MYO9A: variants seen among roughly 807,000 people sequenced by gnomAD.
MYO9A encodes unconventional myosin-IXa.
A neutral mutation model predicts 293.3 loss-of-function variants in MYO9A; 103 were observed. The ratio of observed to expected loss-of-function variants is 0.35; its 90% CI spans 0.30 to 0.41. The LOEUF (loss-of-function observed/expected upper bound fraction) is 0.41, where lower values mean the gene tolerates loss of function less well. Ranked by LOEUF, MYO9A falls within the 10% of genes least tolerant of loss-of-function variation. MYO9A has a pLI of 1.00. For synonymous variants in MYO9A, 1,001 were observed against 1,035.7 expected, an observed-to-expected ratio of 0.97 and a Z score of 0.64; for missense variants, 2,685 against 3,033.0, an observed-to-expected ratio of 0.89 and a Z score of 2.69.
intron 14 of MYO9A, among the ~76,000 whole-genome samples, chr15:71,954,009 C>T (rs1057505114): frequency 2.6e-5 from 4 of 151,846 alleles, no homozygotes; most frequent in African/African-American, 9.7e-5. Flanking sequence ...GATTCTCCTG[C>T]CTCAGCCTCC....
chr15:71,931,480 T>C (rs2058474307), intron 18 of MYO9A, among the ~76,000 whole-genome samples: 1 of 152,196 alleles, frequency 6.6e-6, no homozygotes, highest in African/African-American at 2.4e-5. Flanking sequence ...GGGGGACCCT[T>C]GTATTTAACA....
Position 72,046,422 on chromosome 15 carries a change from A to G in MYO9A, c.142T>C (p.Ser48Pro). 4 of 1,614,090 alleles carry G rather than the reference A, an allele frequency of 2.5e-6. No homozygotes were observed. Among genetic ancestry groups the G allele is most frequent in the Non-Finnish European group, 3.4e-6 (4 of 1,180,024 alleles). Reference sequence around the variant, plus strand: ...TCAAGATGAAGTTTGTTTATAAGAGACTCAATCACCTCAGCAGCTGTGGAG... The same window carrying G: ...TCAAGATGAAGTTTGTTTATAAGAGGCTCAATCACCTCAGCAGCTGTGGAG... ...KNSTAAEVIESLINKLHLDKT... is the reference protein window; with the variant it reads ...KNSTAAEVIEPLINKLHLDKT... The change falls in exon 2 of 42, where the codon TCT becomes CCT. Residue 48 changes from serine (S) to proline (P), a missense_variant. Physicochemically the swap from Ser to Pro is moderately conservative, Grantham distance 74. This residue lies in a region of MYO9A where 67 missense variants were observed against 63.2 expected (regional missense o/e 1.06). Coordinates refer to ENST00000356056, the MANE Select transcript of MYO9A (RefSeq NM_006901.4).
intron 39 of MYO9A, among the ~76,000 whole-genome samples, chr15:71,838,359 A>AC (rs2055019797): frequency 6.6e-6 from 1 of 152,058 alleles, no homozygotes. Flanking sequence ...TTTTTCTTTA[A>AC]TGGTCTTATA....
intron 19 of MYO9A, among the ~76,000 whole-genome samples, chr15:71,914,879 C>T (rs1267389998): frequency 1.3e-5 from 2 of 151,986 alleles, no homozygotes; most frequent in Non-Finnish European, 2.9e-5. Context: ...ATATGGTATT[C>T]TTCAGATTAA....
intron 6 of MYO9A, 145 bp downstream of exon 6, chr15:72,018,894 A>C (rs1393665601): frequency 1.1e-5 from 7 of 662,596 alleles, no homozygotes; most frequent in African/African-American, 1.8e-5. Context: ...TCAATCATTC[A>C]AAAGAAATGA....
At chr15:71,919,961 T>A (rs1194237263) in intron 18 of MYO9A, among the ~76,000 whole-genome samples, 1 of 152,100 alleles carries the variant, frequency 6.6e-6, no homozygotes, top group Non-Finnish European at 1.5e-5. Flanking sequence ...CAACAAATGT[T>A]CAGAGTCATT....
At chr15:71,900,875 C>T (rs889127541) in intron 23 of MYO9A, among the ~76,000 whole-genome samples, 2 of 152,134 alleles carry the variant, frequency 1.3e-5, no homozygotes, top group Admixed American at 1.3e-4. Flanking sequence ...TCAAACATCA[C>T]TCCAAAAACT....
chr15:71,901,442 A>T, intron 22 of MYO9A, 102 bp from the exon 23 acceptor site: 1 of 1,180,386 alleles, frequency 8.5e-7, no homozygotes. Flanking sequence ...AAGAACAAAC[A>T]CAGTGGCAGG....
At chr15:72,077,374 T>C (rs2079386455) in intron 1 of MYO9A, among the ~76,000 whole-genome samples, 1 of 152,012 alleles carries the variant, frequency 6.6e-6, no homozygotes, top group Non-Finnish European at 1.5e-5. Flanking sequence ...AACACATATA[T>C]GATAAAGGAC....
chr15:71,920,429 C>T (rs118178108), intron 18 of MYO9A, among the ~76,000 whole-genome samples: 1 of 152,002 alleles, frequency 6.6e-6, no homozygotes, highest in Non-Finnish European at 1.5e-5. Flanking sequence ...ATAAAAGAGG[C>T]CCAAAAGAGC....
intron 5 of MYO9A, among the ~76,000 whole-genome samples, chr15:72,020,132 G>C (rs977707726): frequency 6.6e-6 from 1 of 152,042 alleles, no homozygotes; most frequent in Non-Finnish European, 1.5e-5. Context: ...CAAAAGCTTC[G>C]TAAGGATTTT....
At chr15:71,948,953 A>AG (rs896391571) in intron 15 of MYO9A, among the ~76,000 whole-genome samples, 4 of 55,388 alleles carry the variant, frequency 7.2e-5, no homozygotes, top group African/African-American at 1.7e-4. Flanking sequence ...TTTTTTTGTG[A>AG]GGGGGGGGGA....
chr15:72,081,665 TAC>T (rs750093300), intron 1 of MYO9A, among the ~76,000 whole-genome samples: 122 of 152,262 alleles, frequency 8.0e-4, no homozygotes, highest in Non-Finnish European at 9.1e-4. Context: ...CCATGGTTTT[TAC>T]AGTTTTAGGT....
intron 28 of MYO9A, among the ~76,000 whole-genome samples, chr15:71,883,055 C>G (rs1055049353): frequency 6.6e-6 from 1 of 152,160 alleles, no homozygotes; most frequent in Non-Finnish European, 1.5e-5. Flanking sequence ...CTGCCCACCT[C>G]AGCCTCCCAA....
At chr15:71,891,206 A>C (rs1445709226) in intron 26 of MYO9A, 1 of 152,306 alleles carries the variant, frequency 6.6e-6, no homozygotes, top group Non-Finnish European at 1.5e-5. Flanking sequence ...AAAGCTGGCG[A>C]CGTGACTAAC....
chr15:71,918,761 A>G (rs929515779), intron 18 of MYO9A, among the ~76,000 whole-genome samples: 1 of 152,250 alleles, frequency 6.6e-6, no homozygotes, highest in Non-Finnish European at 1.5e-5. Flanking sequence ...CTTGGAAATA[A>G]AGTTTGAGTT....
intron 18 of MYO9A, among the ~76,000 whole-genome samples, chr15:71,917,087 G>A (rs939226356): frequency 1.3e-5 from 2 of 152,288 alleles, no homozygotes; most frequent in Admixed American, 1.3e-4. Context: ...TTCTGCAAAT[G>A]TTATTTTAAC....
intron 15 of MYO9A, among the ~76,000 whole-genome samples, chr15:71,947,783 T>C (rs1022411723): frequency 6.6e-6 from 1 of 152,186 alleles, no homozygotes; most frequent in Admixed American, 6.5e-5. Context: ...ATCTTGCTGA[T>C]GCACATCATA....
intron 39 of MYO9A, among the ~76,000 whole-genome samples, chr15:71,845,750 CTG>C (rs1318956740): frequency 6.6e-6 from 1 of 152,186 alleles, no homozygotes; most frequent in Non-Finnish European, 1.5e-5. Context: ...TACTTCTTAA[CTG>C]TTAAATTAAC....
Sources: gnomAD v4.1 joint callset for allele counts (sites outside exome capture counted in the v4.1 genomes callset) on GRCh38, gnomAD v4.1.1 for gene constraint, gnomAD v4.1.1 regional missense constraint, MANE v1.5 for transcripts, NCBI Gene and HGNC (gene_info 2026-07-23, HGNC 2026-07-21) for gene names.